The following IL1R1 variants were observed in gnomAD, a reference collection of about 807,000 sequenced individuals.
IL1R1 encodes the protein interleukin 1 receptor type 1, also known as interleukin-1 receptor type 1.
IL1R1 carries 22 observed loss-of-function variants against 50.2 expected under a neutral mutation model. That is an observed-to-expected ratio of 0.44 (90% CI 0.31 to 0.63). IL1R1 has a LOEUF of 0.63. IL1R1 is among the 20% of genes least tolerant of loss of function. IL1R1 has a pLI of 0.07. For synonymous variants in IL1R1, 251 were observed against 236.7 expected, an observed-to-expected ratio of 1.06 and a Z score of -0.55; for missense variants, 509 against 676.2, an observed-to-expected ratio of 0.75 and a Z score of 2.74.
In IL1R1 at chr2:102,079,619, C is replaced by T. The variant is rs796113736; in HGVS notation, c.-84+9086C>T. Among the ~76,000 whole-genome samples the T allele has an allele frequency of 4.9e-4, 74 of 152,024 alleles. 1 individual carries two copies. The highest frequency in any genetic ancestry group is 1.7e-3 in the African/African-American group (70 of 41,482). ...ATCGCTCAATTAATTGAAAGACATCCCATGTTCATGAATCAGAAGACTTAA... is the reference window on the plus strand; with the variant it reads ...ATCGCTCAATTAATTGAAAGACATCTCATGTTCATGAATCAGAAGACTTAA... On this transcript the variant is annotated intron_variant, in intron 1 of 11. Transcript: ENST00000409929.
chr2:102,079,411 C>A (rs1157628281), intron 1 of IL1R1, among the ~76,000 whole-genome samples: 1 of 151,902 alleles, frequency 6.6e-6, no homozygotes, highest in Non-Finnish European at 1.5e-5. Flanking sequence ...TTGCAAGATA[C>A]AAAATCAATA....
At chr2:102,144,940 A>G (rs963185386) in intron 1 of IL1R1, among the ~76,000 whole-genome samples, 1 of 152,192 alleles carries the variant, frequency 6.6e-6, no homozygotes, top group African/African-American at 2.4e-5. Context: ...TTGGCCATGC[A>G]CAGGGACCAG....
rs564618090 is a variant in IL1R1, at chr2:102,111,053, T to G, written c.-84+6181T>G. Among the ~76,000 whole-genome samples the G allele has an allele frequency of 9.6e-4, 146 of 152,228 alleles. 6 individuals carry two copies. The South Asian group carries it at 0.029, about 30-fold the overall frequency. On this transcript the variant is annotated intron_variant, in intron 1 of 10. Transcript: ENST00000409329. ...GCATGAGAAGCAGAAAGCAGCTCTA[T>G]GTATGGCCAATGAAGAGAGTGGAAG...
chr2:102,168,077 A>G (rs1328200271), intron 6 of IL1R1, among the ~76,000 whole-genome samples: 2 of 152,170 alleles, frequency 1.3e-5, no homozygotes, highest in African/African-American at 4.8e-5. Context: ...CCTGAAACCA[A>G]TCTTTTCATA....
chr2:102,097,963 C>A lies in IL1R1; in HGVS notation c.-84+27430C>A, dbSNP rs1577835678. 2.0e-5 allele frequency among the ~76,000 whole-genome samples: 3 copies of A among 151,962 alleles called. No homozygotes were observed. The South Asian group carries it at 6.2e-4, about 32-fold the overall frequency. On this transcript the variant is annotated intron_variant, in intron 1 of 11. Coordinates refer to the IL1R1 transcript ENST00000409929. Reference sequence around the variant, plus strand: ...CATTGACACCAAAACTAGAAAATCCCAGTATAAGAAAATAAAATCATATTT... The same window carrying A: ...CATTGACACCAAAACTAGAAAATCCAAGTATAAGAAAATAAAATCATATTT...
intron 1 of IL1R1, among the ~76,000 whole-genome samples, chr2:102,123,944 G>GA (rs1681542699): frequency 6.6e-6 from 1 of 152,114 alleles, no homozygotes. Flanking sequence ...GAGGGAGAAG[G>GA]AGAGAGGTGA....
upstream of IL1R1, among the ~76,000 whole-genome samples, chr2:102,102,259 T>C (rs1022588573): frequency 6.6e-6 from 1 of 152,156 alleles, no homozygotes; most frequent in African/African-American, 2.4e-5. Context: ...CCTGAGTAGA[T>C]AAGACCTGTT....
chr2:102,129,256 TACAACAACAACAACA>T (rs71866133), intron 1 of IL1R1, among the ~76,000 whole-genome samples: 5 of 149,408 alleles, frequency 3.3e-5, no homozygotes, highest in Admixed American at 6.7e-5. Context: ...CCCAAAAACC[TACAACAACAACAACA>T]ACAACAACAA....
At chr2:102,097,999 G>C (rs1679978169) in intron 1 of IL1R1, among the ~76,000 whole-genome samples, 1 of 151,866 alleles carries the variant, frequency 6.6e-6, no homozygotes, top group Admixed American at 6.6e-5. Context: ...CAACTTAGAG[G>C]CACAAATCTT....
chr2:102,095,279 A>G (rs752427951), intron 1 of IL1R1, among the ~76,000 whole-genome samples: 9 of 152,236 alleles, frequency 5.9e-5, no homozygotes, highest in Non-Finnish European at 1.3e-4. Context: ...TGGCAAAAAG[A>G]GATTGCAGTG....
chr2:102,083,378 T>C (rs1464493801), intron 1 of IL1R1, among the ~76,000 whole-genome samples: 1 of 152,022 alleles, frequency 6.6e-6, no homozygotes, highest in Non-Finnish European at 1.5e-5. Flanking sequence ...AGATGGATGG[T>C]GTGTTCCCCA....
At chr2:102,167,920 A>G (rs1685342041) in intron 6 of IL1R1, among the ~76,000 whole-genome samples, 2 of 152,148 alleles carry the variant, frequency 1.3e-5, no homozygotes, top group African/African-American at 2.4e-5. Context: ...AGCATTTACT[A>G]TGTTTCAGGA....
At chr2:102,113,064 CTG>C (rs1182875192) in intron 1 of IL1R1, among the ~76,000 whole-genome samples, 4 of 152,256 alleles carry the variant, frequency 2.6e-5, no homozygotes, top group Non-Finnish European at 2.9e-5. Context: ...GCCTCCAGAA[CTG>C]TGAGACACAA....
upstream of IL1R1, among the ~76,000 whole-genome samples, chr2:102,140,095 A>G (rs1159934727): frequency 6.6e-6 from 1 of 152,122 alleles, no homozygotes; most frequent in Non-Finnish European, 1.5e-5. Flanking sequence ...TTACATTACC[A>G]TACATTCTTC....
At chr2:102,157,104 T>C (rs1684267680) in intron 2 of IL1R1, among the ~76,000 whole-genome samples, 1 of 152,158 alleles carries the variant, frequency 6.6e-6, no homozygotes, top group South Asian at 2.1e-4. Flanking sequence ...AAGTTCGTTG[T>C]AGATATTTTA....
At chr2:102,102,391 C>T (rs1287700513), upstream of IL1R1, among the ~76,000 whole-genome samples, 1 of 152,192 alleles carries the variant, frequency 6.6e-6, no homozygotes, top group African/African-American at 2.4e-5. Context: ...TAATCTCAAT[C>T]AGTTTTCTCA....
intron 1 of IL1R1, among the ~76,000 whole-genome samples, chr2:102,085,895 T>A (rs60121336): frequency 6.6e-6 from 1 of 152,162 alleles, no homozygotes; most frequent in Admixed American, 6.5e-5. Flanking sequence ...TGGCAATTTT[T>A]AAAATTTTTC....
At chr2:102,164,400 A>G (rs3917283) in intron 3 of IL1R1, among the ~76,000 whole-genome samples, 2,118 of 152,096 alleles carry the variant, frequency 0.014, 22 homozygotes, top group East Asian at 0.049. Flanking sequence ...TGTCTTGAAT[A>G]CTGTTGTTTC....
At chr2:102,168,401 G>A (rs1265331618) in intron 6 of IL1R1, among the ~76,000 whole-genome samples, 197 bp from the exon 7 acceptor site, 2 of 152,128 alleles carry the variant, frequency 1.3e-5, no homozygotes, top group Non-Finnish European at 2.9e-5. Flanking sequence ...GCTCTACCCC[G>A]GGATTCACAG....
Sources: allele counts gnomAD v4.1 joint callset (sites outside exome capture counted in the v4.1 genomes callset), GRCh38; gene constraint gnomAD v4.1.1; transcripts MANE v1.5; gene names NCBI Gene and HGNC (gene_info 2026-07-23, HGNC 2026-07-21).